The following AP2B1 variants were observed in gnomAD, a reference collection of about 807,000 sequenced individuals.
AP2B1 encodes the protein adaptor related protein complex 2 subunit beta 1.
AP2B1 carries 23 observed loss-of-function variants against 102.0 expected under a neutral mutation model. The ratio of observed to expected loss-of-function variants is 0.23; its 90% CI spans 0.16 to 0.32. The LOEUF is 0.32. Ranked by LOEUF, AP2B1 falls within the 10% of genes least tolerant of loss-of-function variation. The pLI is 1.00. For missense variants in AP2B1, 541 were observed against 1,157.4 expected, an observed-to-expected ratio of 0.47 and a Z score of 7.73; for synonymous variants, 381 against 421.2, an observed-to-expected ratio of 0.90 and a Z score of 1.17.
chr17:35,684,424 C>T (rs117557474), intron 18 of AP2B1, among the ~76,000 whole-genome samples: 236 of 152,230 alleles, frequency 1.6e-3, no homozygotes, highest in Admixed American at 1.7e-3. Context: ...GATGGTGAGA[C>T]GTCAATAGTA....
At chr17:35,678,570 G>A (rs1403450514) in intron 17 of AP2B1, among the ~76,000 whole-genome samples, 1 of 152,098 alleles carries the variant, frequency 6.6e-6, no homozygotes, top group Admixed American at 6.6e-5. Context: ...TTATGAATGG[G>A]TATTAAATTT....
chr17:35,711,029 A>T (rs587758544), intron 20 of AP2B1, among the ~76,000 whole-genome samples: 1 of 152,308 alleles, frequency 6.6e-6, no homozygotes, highest in African/African-American at 2.4e-5. Flanking sequence ...TAACTTTGTT[A>T]CTGTAAAAGA....
At chr17:35,721,517 G>T (rs2085392943) in intron 21 of AP2B1, among the ~76,000 whole-genome samples, 1 of 152,166 alleles carries the variant, frequency 6.6e-6, no homozygotes, top group Non-Finnish European at 1.5e-5. Flanking sequence ...AGAGGCTGGG[G>T]TGGAGGTAGG....
rs146966175 is a variant in AP2B1, at chr17:35,674,250, T to C, written c.2253T>C (p.Tyr751=). 6.2e-7 allele frequency: 1 copy of C among 1,614,042 alleles called. No individual in the cohort carries two copies. The highest frequency in any genetic ancestry group is 1.3e-5 in the African/African-American group (1 of 74,904). Residue 751 remains tyrosine (Y), a synonymous_variant, in exon 17 of 22, where the codon TAT becomes TAC. Coordinates refer to ENST00000610402, the MANE Select transcript of AP2B1 (RefSeq NM_001030006.2). The stretch of plus-strand genomic sequence containing the variant: ...TTACTCACCGCCAAGGGCACATCTA[T>C]ATGGAAATGAACTTCACCAATAAAG... The part of the protein sequence containing the change: ...GTFTHRQGHI[Y]MEMNFTNKAL...
chr17:35,715,696 T>G (rs1441800778), intron 20 of AP2B1, among the ~76,000 whole-genome samples: 1 of 152,200 alleles, frequency 6.6e-6, no homozygotes, highest in African/African-American at 2.4e-5. Flanking sequence ...ACAAGGTGAT[T>G]AAAAGGGCAT....
intron 10 of AP2B1, among the ~76,000 whole-genome samples, chr17:35,636,833 A>G (rs1346071725): frequency 1.3e-5 from 2 of 152,332 alleles, no homozygotes; most frequent in Non-Finnish European, 1.5e-5. Context: ...TTCTTCTCAG[A>G]AATGTATAAG....
intron 15 of AP2B1, 118 bp from the exon 16 acceptor site, chr17:35,671,636 T>C (rs1044904933): frequency 9.8e-7 from 1 of 1,017,124 alleles, no homozygotes; most frequent in African/African-American, 1.6e-5. Flanking sequence ...CTAAGAATAT[T>C]GTAATTATGG....
chr17:35,664,801 G>A (rs1231016400), intron 14 of AP2B1, among the ~76,000 whole-genome samples: 2 of 152,112 alleles, frequency 1.3e-5, no homozygotes, highest in Non-Finnish European at 2.9e-5. Context: ...GAAACAAAGT[G>A]AGACAGAATA....
intron 3 of AP2B1, among the ~76,000 whole-genome samples, chr17:35,598,827 G>C (rs1038358769): frequency 1.3e-5 from 2 of 152,220 alleles, no homozygotes; most frequent in African/African-American, 4.8e-5. Context: ...AAATAAGTAA[G>C]GACTATATGC....
chr17:35,678,006 C>T lies in AP2B1; in HGVS notation c.2324+3685C>T, dbSNP rs916438431. Among the ~76,000 whole-genome samples the T allele has an allele frequency of 4.6e-5, 7 of 151,846 alleles. No individual in the cohort carries two copies. In the South Asian group the frequency reaches 6.3e-4, roughly 14 times the overall value. On this transcript the variant is annotated intron_variant, in intron 17 of 21. Coordinates refer to ENST00000610402, the MANE Select transcript of AP2B1 (RefSeq NM_001030006.2). ...TCCTGAGTAGCTGGGATTAGAGGCA[C>T]CCGCCACCATGCCCAGCTAATTTTT...
chr17:35,648,886 A>C (rs1174261668), intron 12 of AP2B1, among the ~76,000 whole-genome samples: 1 of 151,976 alleles, frequency 6.6e-6, no homozygotes, highest in Non-Finnish European at 1.5e-5. Context: ...TATGTCACAC[A>C]CTTAAAAATT....
At chr17:35,653,843 G>C (rs139034593) in intron 13 of AP2B1, among the ~76,000 whole-genome samples, 2 of 151,984 alleles carry the variant, frequency 1.3e-5, no homozygotes, top group Non-Finnish European at 2.9e-5. Context: ...ATGAGCCACC[G>C]TGCCCAGCCC....
At chr17:35,649,111 A>C (rs1289552858) in intron 12 of AP2B1, among the ~76,000 whole-genome samples, 1 of 152,178 alleles carries the variant, frequency 6.6e-6, no homozygotes, top group Non-Finnish European at 1.5e-5. Context: ...CCTTAAAGTC[A>C]GGCAGTGTAT....
At chr17:35,679,886 CT>C (rs2075780452) in intron 17 of AP2B1, among the ~76,000 whole-genome samples, 1 of 150,128 alleles carries the variant, frequency 6.7e-6, no homozygotes, top group Non-Finnish European at 1.5e-5. Flanking sequence ...GAAAATATTT[CT>C]TTAGCCACTC....
intron 8 of AP2B1, 57 bp downstream of exon 8, chr17:35,627,562 T>C: frequency 5.0e-6 from 8 of 1,613,130 alleles, no homozygotes; most frequent in Non-Finnish European, 6.8e-6. Context: ...GTCTGGCCTT[T>C]AAAGAAGCTA....
At chr17:35,677,945 C>T (rs989358334) in intron 17 of AP2B1, among the ~76,000 whole-genome samples, 4 of 151,394 alleles carry the variant, frequency 2.6e-5, no homozygotes, top group East Asian at 1.9e-4. Context: ...CTGTAACCTC[C>T]GTCTCCTGGG....
intron 17 of AP2B1, among the ~76,000 whole-genome samples, chr17:35,678,983 G>A (rs1054622182): frequency 6.8e-6 from 1 of 147,860 alleles, no homozygotes; most frequent in Non-Finnish European, 1.5e-5. Flanking sequence ...TGTTTGTTTT[G>A]TTTTTTCAAG....
At chr17:35,643,384 C>G (rs1211983977) in intron 12 of AP2B1, among the ~76,000 whole-genome samples, 1 of 152,110 alleles carries the variant, frequency 6.6e-6, no homozygotes, top group Non-Finnish European at 1.5e-5. Flanking sequence ...AATATTCAAG[C>G]AAGTATGTTT....
At position 35,685,723 on chromosome 17, in the gene AP2B1, T is replaced by A. The variant is rs1356931207; in HGVS notation, c.2454+2899T>A. Among the ~76,000 whole-genome samples, 6 of 152,354 alleles carry A rather than the reference T, an allele frequency of 3.9e-5. No homozygotes were observed. The East Asian group carries it at 1.2e-3, about 29-fold the overall frequency. On this transcript the variant is annotated intron_variant, in intron 18 of 21. Coordinates refer to ENST00000610402, the MANE Select transcript of AP2B1 (RefSeq NM_001030006.2). Reference sequence around the variant, plus strand: ...TTAAACTACTTATTGGCTTATAGACTATTTGAAACACTATTTAAAAATTTA... The same window carrying A: ...TTAAACTACTTATTGGCTTATAGACAATTTGAAACACTATTTAAAAATTTA...
Sources: allele counts gnomAD v4.1 joint callset (sites outside exome capture counted in the v4.1 genomes callset), GRCh38; gene constraint gnomAD v4.1.1; transcripts MANE v1.5; gene names NCBI Gene and HGNC (gene_info 2026-07-23, HGNC 2026-07-21).